Variants in DDX10 observed in about 807,000 individuals in gnomAD.
The protein encoded by DDX10 is probable ATP-dependent RNA helicase DDX10.
DDX10 carries 74 observed loss-of-function variants against 104.3 expected under a neutral mutation model. The ratio of observed to expected loss-of-function variants is 0.71; its 90% confidence interval spans 0.59 to 0.86. DDX10 has a LOEUF of 0.86. Among genes scored for constraint, DDX10 ranks in the 40% least tolerant of loss-of-function variants. The probability of loss-of-function intolerance (pLI) is 0.00; values close to 1 mark genes in which losing one functional copy is unlikely to be tolerated. For missense variants in DDX10, 952 were observed against 1,040.0 expected (o/e 0.92, Z 1.16); for synonymous variants, 351 against 353.4 (o/e 0.99, Z 0.08).
intron 13 of DDX10, among the ~76,000 whole-genome samples, chr11:108,804,098 T>C (rs971012252): frequency 6.6e-6 from 1 of 152,150 alleles, no homozygotes; most frequent in African/African-American, 2.4e-5. Flanking sequence ...TTGTAGCTAA[T>C]TCAGTAAGCA....
At chr11:108,675,420 A>G (rs1196032171) in intron 2 of DDX10, among the ~76,000 whole-genome samples, 176 bp from the exon 3 acceptor site, 1 of 150,304 alleles carries the variant, frequency 6.7e-6, no homozygotes, top group African/African-American at 2.4e-5. Flanking sequence ...GTCCACCCCT[A>G]TGGGGCTCTA....
At chr11:108,807,189 C>T (rs1862113467) in intron 13 of DDX10, among the ~76,000 whole-genome samples, 1 of 151,880 alleles carries the variant, frequency 6.6e-6, no homozygotes, top group Non-Finnish European at 1.5e-5. Context: ...TCCAGTATGC[C>T]TCCTAAGTTT....
intron 17 of DDX10, among the ~76,000 whole-genome samples, chr11:108,935,620 C>A (rs1289671383): frequency 6.6e-6 from 1 of 151,990 alleles, no homozygotes; most frequent in Non-Finnish European, 1.5e-5. Flanking sequence ...GGCATGGAAA[C>A]CATTATTGAA....
chr11:108,893,594 GA>G (rs1239143584), intron 16 of DDX10, among the ~76,000 whole-genome samples: 1 of 149,694 alleles, frequency 6.7e-6, no homozygotes, highest in Non-Finnish European at 1.5e-5. Flanking sequence ...TTTTTGGAGG[GA>G]AAAAATTACC....
chr11:108,681,149 C>T (rs905880850), intron 6 of DDX10, among the ~76,000 whole-genome samples: 2 of 152,026 alleles, frequency 1.3e-5, no homozygotes, highest in African/African-American at 2.4e-5. Context: ...TTAGATGTCT[C>T]TAAGACCTTT....
At chr11:108,700,615 G>T (rs1947929) in intron 9 of DDX10, among the ~76,000 whole-genome samples, 133,465 of 152,216 alleles carry the variant, frequency 0.88, 58,914 homozygotes, top group East Asian at 0.99. Context: ...CTTTGGACTA[G>T]GAGAGATAGA....
intron 13 of DDX10, among the ~76,000 whole-genome samples, chr11:108,794,672 T>A (rs1861914400): frequency 6.6e-6 from 1 of 152,182 alleles, no homozygotes; most frequent in African/African-American, 2.4e-5. Context: ...ATGGTGTTTA[T>A]TGGTTTTTGA....
Position 108,927,799 on chromosome 11 carries a change from G to C in DDX10, c.2450+9781G>C, listed in dbSNP as rs1181685584. ...ACTACAGGCGTGCGCCACCATGCCT[G>C]GCTAATTTTTTTGTATTTTTAGTAG... On this transcript the variant is annotated intron_variant, in intron 17 of 17. Coordinates refer to ENST00000322536, the MANE Select transcript of DDX10 (RefSeq NM_004398.4). Among the ~76,000 whole-genome samples the C allele has an allele frequency of 2.6e-5, 4 of 152,100 alleles. No individual in the cohort carries two copies. In the East Asian group the frequency reaches 7.8e-4, roughly 29 times the overall value.
chr11:108,690,871 C>G (rs2094251496), intron 7 of DDX10: 1 of 166,476 alleles, frequency 6.0e-6, no homozygotes, highest in Non-Finnish European at 1.3e-5. Flanking sequence ...GTTGCAGGTG[C>G]TATTGCTGAA....
intron 16 of DDX10, among the ~76,000 whole-genome samples, chr11:108,863,962 G>A (rs1354991720): frequency 6.6e-6 from 1 of 151,134 alleles, no homozygotes; most frequent in Non-Finnish European, 1.5e-5. Context: ...AAAATACGAG[G>A]TCCAAATTCA....
At chr11:108,876,368 T>C (rs995234515) in intron 16 of DDX10, among the ~76,000 whole-genome samples, 2 of 152,152 alleles carry the variant, frequency 1.3e-5, no homozygotes, top group Non-Finnish European at 2.9e-5. Context: ...TGTACATAAG[T>C]TATGTACCAG....
chr11:108,842,836 T>A (rs114351766), intron 15 of DDX10, among the ~76,000 whole-genome samples: 1,721 of 152,284 alleles, frequency 0.011, 33 homozygotes, highest in African/African-American at 0.04. Context: ...AGGGGACAAC[T>A]GGGCAAGAAT....
At chr11:108,702,860 C>T (rs1221446025) in intron 9 of DDX10, among the ~76,000 whole-genome samples, 2 of 152,178 alleles carry the variant, frequency 1.3e-5, no homozygotes, top group East Asian at 3.8e-4. Context: ...TTAGGCCAAC[C>T]TCTTGGGCTC....
chr11:108,878,441 A>C (rs1212857417), intron 16 of DDX10, among the ~76,000 whole-genome samples: 1 of 152,172 alleles, frequency 6.6e-6, no homozygotes, highest in East Asian at 1.9e-4. Flanking sequence ...GTGGCCAGCT[A>C]CTGTTATTTC....
chr11:108,842,018 G>A (rs1000904476), intron 15 of DDX10, among the ~76,000 whole-genome samples: 6 of 152,122 alleles, frequency 3.9e-5, no homozygotes, highest in African/African-American at 1.4e-4. Flanking sequence ...GATTGATGGT[G>A]TTTCCAGATT....
intron 12 of DDX10, among the ~76,000 whole-genome samples, chr11:108,722,773 C>A (rs554315428): frequency 1.8e-4 from 28 of 152,198 alleles, no homozygotes; most frequent in African/African-American, 6.7e-4. Flanking sequence ...TCCATGTTAC[C>A]CTCTTAAAGA....
chr11:108,708,279 C>T (rs1335412131), intron 10 of DDX10, among the ~76,000 whole-genome samples: 19 of 128,476 alleles, frequency 1.5e-4, no homozygotes, highest in South Asian at 2.6e-4. Flanking sequence ...TTTTTAAAAT[C>T]TGATGAGATC....
At position 108,691,900 on chromosome 11, in the gene DDX10, T is replaced by G. The variant is rs779082320; in HGVS notation, c.1000T>G (p.Cys334Gly). The G allele has an allele frequency of 6.2e-7, 1 of 1,614,152 alleles. No homozygotes were observed. Among genetic ancestry groups the G allele is most frequent in the Non-Finnish European group, 8.5e-7 (1 of 1,180,010 alleles). ...KEVQYLYRVF[C>G]RLRPGVSILA... ...GGTCCAGTATCTGTACCGAGTGTTT[T>G]GCCGGCTACGTCCTGGTGTTTCTAT... The change falls in exon 8 of 18, where the codon TGC (cysteine) becomes GGC (glycine). Residue 334 changes from cysteine to glycine, a missense_variant. Physicochemically the swap from Cys to Gly is radical, Grantham distance 159. Transcript: ENST00000322536.
At chr11:108,709,511 G>A (rs114423958) in intron 10 of DDX10, among the ~76,000 whole-genome samples, 1,787 of 152,230 alleles carry the variant, frequency 0.012, 38 homozygotes, top group African/African-American at 0.041. Flanking sequence ...TAAGAGTTTG[G>A]CAGATTTTGT....
Sources: allele counts gnomAD v4.1 joint callset (sites outside exome capture counted in the v4.1 genomes callset), GRCh38; gene constraint gnomAD v4.1.1; transcripts MANE v1.5; gene names NCBI Gene and HGNC (gene_info 2026-07-23, HGNC 2026-07-21).